ZNF385D: variants seen among roughly 807,000 people sequenced by gnomAD.
The protein encoded by ZNF385D is zinc finger protein 659.
A neutral mutation model predicts 35.8 loss-of-function variants in ZNF385D; 15 were observed. The observed-to-expected ratio is 0.42, with a 90% CI of 0.28 to 0.64. The LOEUF (loss-of-function observed/expected upper bound fraction) is 0.64. ZNF385D is among the 30% of genes least tolerant of loss of function. ZNF385D has a pLI of 0.23. For synonymous variants in ZNF385D, 212 were observed against 186.8 expected (o/e 1.13, Z -1.10); for missense variants, 474 against 494.6 (o/e 0.96, Z 0.39).
chr3:22,206,988 C>G (rs1249117343), intron 2 of ZNF385D, among the ~76,000 whole-genome samples: 1 of 151,284 alleles, frequency 6.6e-6, no homozygotes, highest in Non-Finnish European at 1.5e-5. Context: ...GATATATAAA[C>G]AAAACTGACA....
intron 3 of ZNF385D, among the ~76,000 whole-genome samples, chr3:22,004,200 G>C (rs1426357746): frequency 6.6e-6 from 1 of 152,108 alleles, no homozygotes; most frequent in Non-Finnish European, 1.5e-5. Context: ...GTTGGGGATA[G>C]GATACCGTCT....
intron 3 of ZNF385D, chr3:22,133,539 T>A (rs1010601525): frequency 2.6e-5 from 4 of 152,068 alleles, no homozygotes; most frequent in African/African-American, 9.7e-5. Context: ...TCATACAGAC[T>A]GCATATCTGG....
At chr3:21,979,231 T>C (rs1423900651) in intron 3 of ZNF385D, among the ~76,000 whole-genome samples, 5 of 152,192 alleles carry the variant, frequency 3.3e-5, no homozygotes, top group Non-Finnish European at 7.3e-5. Context: ...GTTATTGCCC[T>C]GTATAACTGC....
intron 3 of ZNF385D, among the ~76,000 whole-genome samples, chr3:22,124,258 C>T (rs1484405674): frequency 2.0e-5 from 3 of 152,034 alleles, no homozygotes; most frequent in South Asian, 4.1e-4. Flanking sequence ...ATGACATGAT[C>T]TCATTCTTTG....
At chr3:22,224,821 T>G (rs1456130763) in intron 2 of ZNF385D, among the ~76,000 whole-genome samples, 1 of 152,186 alleles carries the variant, frequency 6.6e-6, no homozygotes, top group Non-Finnish European at 1.5e-5. Flanking sequence ...GCTCCCTGCG[T>G]GGGGCACCAT....
chr3:21,557,524 G>T (rs546332016), intron 3 of ZNF385D, among the ~76,000 whole-genome samples: 1 of 152,052 alleles, frequency 6.6e-6, no homozygotes, highest in Non-Finnish European at 1.5e-5. Flanking sequence ...TGACTTGATC[G>T]TGGTGGATAA....
intron 2 of ZNF385D, among the ~76,000 whole-genome samples, chr3:22,370,417 G>A (rs1696849149): frequency 6.6e-6 from 1 of 151,896 alleles, no homozygotes; most frequent in African/African-American, 2.4e-5. Context: ...CTCTAAAGCT[G>A]GCAGTCCGAA....
chr3:22,295,637 T>C (rs1047955421), intron 2 of ZNF385D, among the ~76,000 whole-genome samples: 1 of 152,156 alleles, frequency 6.6e-6, no homozygotes, highest in Non-Finnish European at 1.5e-5. Context: ...ATGAGGTGGA[T>C]CTGAACCTTT....
rs12634532 is a variant in ZNF385D at position 21,773,030 on chromosome 3, G to A, written c.326-108002C>T. Among the ~76,000 whole-genome samples, 29 of 151,916 alleles carry A rather than the reference G, an allele frequency of 1.9e-4. No individual in the cohort carries two copies. In the East Asian group the frequency reaches 5.4e-3, roughly 29 times the overall value. ...AAATCATAGAGACAGTAAGTAGAAT[G>A]GTGGTTGCTGGAGATGGGGGAGAGA... On this transcript the variant is annotated intron_variant, in intron 3 of 5. Transcript: ENST00000494108.
intron 3 of ZNF385D, among the ~76,000 whole-genome samples, chr3:21,533,060 T>C (rs1367486633): frequency 6.6e-6 from 1 of 152,132 alleles, no homozygotes; most frequent in Admixed American, 6.5e-5. Context: ...AATTGACAAG[T>C]TATGCATAAA....
intron 3 of ZNF385D, among the ~76,000 whole-genome samples, chr3:21,835,119 C>T (rs550061310): frequency 5.3e-5 from 8 of 151,850 alleles, no homozygotes; most frequent in East Asian, 1.9e-4. Flanking sequence ...ACACATTCAT[C>T]AACATTTAGT....
chr3:21,994,287 G>A (rs1219387109), intron 3 of ZNF385D, among the ~76,000 whole-genome samples: 1 of 152,190 alleles, frequency 6.6e-6, no homozygotes, highest in Non-Finnish European at 1.5e-5. Context: ...TACAGGGAAA[G>A]TGATAAGTTG....
intron 3 of ZNF385D, among the ~76,000 whole-genome samples, chr3:21,856,467 A>C (rs1234263609): frequency 1.3e-5 from 2 of 152,052 alleles, no homozygotes; most frequent in Non-Finnish European, 2.9e-5. Flanking sequence ...AAACACTTCA[A>C]AATTAACATG....
chr3:21,890,419 G>C (rs1440045741), intron 3 of ZNF385D, among the ~76,000 whole-genome samples: 1 of 152,206 alleles, frequency 6.6e-6, no homozygotes, highest in African/African-American at 2.4e-5. Context: ...AGGAGTTTGA[G>C]ACCAGCCTGG....
chr3:21,424,796 C>T (rs989744499), intron 6 of ZNF385D, among the ~76,000 whole-genome samples: 1 of 149,538 alleles, frequency 6.7e-6, no homozygotes, highest in Non-Finnish European at 1.5e-5. Flanking sequence ...TATTTCCATA[C>T]TAATGTTTAT....
chr3:21,679,231 ATAGAG>A (rs1459006389), intron 1 of ZNF385D, among the ~76,000 whole-genome samples: 2 of 152,174 alleles, frequency 1.3e-5, no homozygotes, highest in East Asian at 3.9e-4. Context: ...GGGAGAAATA[ATAGAG>A]TAAATACTAA....
At chr3:22,183,942 T>C (rs892800945) in intron 2 of ZNF385D, among the ~76,000 whole-genome samples, 2 of 152,188 alleles carry the variant, frequency 1.3e-5, no homozygotes, top group Non-Finnish European at 2.9e-5. Context: ...TTCCGTTTTT[T>C]ATTTAGGTTA....
chr3:21,544,121 C>A (rs1400790688), intron 3 of ZNF385D, among the ~76,000 whole-genome samples: 1 of 152,174 alleles, frequency 6.6e-6, no homozygotes. Flanking sequence ...TTTCAGTTCA[C>A]GTGGCTTTAA....
chr3:22,268,676 A>G (rs1391001364), intron 2 of ZNF385D, among the ~76,000 whole-genome samples: 4 of 152,226 alleles, frequency 2.6e-5, no homozygotes, highest in Non-Finnish European at 4.4e-5. Context: ...TGGTATTAGA[A>G]TATTTAAGCA....
Sources: allele counts gnomAD v4.1 joint callset (sites outside exome capture counted in the v4.1 genomes callset), GRCh38; gene constraint gnomAD v4.1.1; transcripts MANE v1.5; gene names NCBI Gene and HGNC (gene_info 2026-07-23, HGNC 2026-07-21).